The following ITPKB variants were observed in gnomAD, a reference collection of about 807,000 sequenced individuals.
ITPKB encodes IP3 3-kinase B.
ITPKB carries 13 observed loss-of-function variants against 69.4 expected under a neutral mutation model. The observed-to-expected ratio is 0.19, with a 90% confidence interval of 0.12 to 0.30. ITPKB has a LOEUF of 0.30. Among genes scored for constraint, ITPKB ranks in the 10% least tolerant of loss-of-function variants. The pLI, the probability that ITPKB is intolerant of heterozygous loss-of-function variation, is 1.00. For missense variants in ITPKB, 1,240 were observed against 1,250.5 expected (o/e 0.99, Z 0.13); for synonymous variants, 584 against 513.7 (o/e 1.14, Z -1.85).
At position 226,737,171 on chromosome 1, in the gene ITPKB, G is replaced by T. The variant is rs755020532; in HGVS notation, c.288C>A (p.Ser96Arg). ...GACCAGCCCAACTTGGGCTGCTCAC[G>T]CTACTGCCGCTGCTGCCGCTGCCAC... is the stretch of plus-strand genomic sequence containing the variant. The part of the protein sequence containing the change: ...SGSGSGSSGS[S>R]VSSPSWAGRL... Residue 96 changes from serine to arginine, a missense_variant, in exon 2 of 8, where the codon AGC (serine) becomes AGA (arginine). Physicochemically the swap from Ser to Arg is moderately radical, Grantham distance 110 (BLOSUM62 -1). Coordinates refer to ENST00000429204, the MANE Select transcript of ITPKB (RefSeq NM_002221.4). The T allele has an allele frequency of 1.3e-6, 2 of 1,579,240 alleles. No homozygotes were observed. Among genetic ancestry groups the T allele is most frequent in the South Asian group, 2.2e-5 (2 of 90,146 alleles).
At chr1:226,714,588 C>T (rs1229331384) in intron 2 of ITPKB, among the ~76,000 whole-genome samples, 1 of 152,236 alleles carries the variant, frequency 6.6e-6, no homozygotes. Context: ...CTTCCTCCTG[C>T]TGCCATGCTT....
chr1:226,687,152 T>C (rs1257371557), intron 2 of ITPKB, among the ~76,000 whole-genome samples: 2 of 152,228 alleles, frequency 1.3e-5, no homozygotes, highest in Non-Finnish European at 1.5e-5. Context: ...AATCTTTCTA[T>C]AGCGTCATTT....
At chr1:226,686,032 C>A (rs537768376) in intron 2 of ITPKB, among the ~76,000 whole-genome samples, 1 of 152,276 alleles carries the variant, frequency 6.6e-6, no homozygotes, top group South Asian at 2.1e-4. Flanking sequence ...CAGAAAGCAA[C>A]CCCAGGTTAA....
chr1:226,668,316 G>A (rs1669545800), intron 2 of ITPKB, among the ~76,000 whole-genome samples: 1 of 152,096 alleles, frequency 6.6e-6, no homozygotes. Flanking sequence ...CCTGACACCC[G>A]TGGACTCAGC....
At chr1:226,696,546 A>G (rs1656492298) in intron 2 of ITPKB, among the ~76,000 whole-genome samples, 1 of 152,206 alleles carries the variant, frequency 6.6e-6, no homozygotes, top group African/African-American at 2.4e-5. Context: ...TTCTGAGAAC[A>G]TAATTTCTAG....
intron 2 of ITPKB, among the ~76,000 whole-genome samples, chr1:226,689,565 TTATTTGTGTG>T (rs1316254187): frequency 7.6e-6 from 1 of 131,386 alleles, no homozygotes; most frequent in South Asian, 2.6e-4. Flanking sequence ...TCGGAAGGTT[TTATTTGTGTG>T]TGTGTGTGTG....
chr1:226,663,591 AG>A (rs780174263), intron 2 of ITPKB, among the ~76,000 whole-genome samples: 1 of 151,850 alleles, frequency 6.6e-6, no homozygotes, highest in Non-Finnish European at 1.5e-5. Context: ...GCTCACCTAC[AG>A]CCTTAACTTT....
At chr1:226,706,094 C>G (rs532741146) in intron 2 of ITPKB, among the ~76,000 whole-genome samples, 17 of 152,342 alleles carry the variant, frequency 1.1e-4, no homozygotes, top group Middle Eastern at 3.4e-3. Flanking sequence ...AGATGATCCC[C>G]CTCCTGTGAG....
At chr1:226,658,875 C>T (rs1416530186) in intron 2 of ITPKB, among the ~76,000 whole-genome samples, 1 of 152,118 alleles carries the variant, frequency 6.6e-6, no homozygotes, top group Admixed American at 6.5e-5. Flanking sequence ...CCCTGCAGAC[C>T]GGGACCCCCT....
intron 2 of ITPKB, chr1:226,707,995 A>G: frequency 1.2e-6 from 1 of 838,516 alleles, no homozygotes; most frequent in South Asian, 1.7e-5. Flanking sequence ...AAATATGGAA[A>G]CTACCCACCA....
intron 4 of ITPKB, among the ~76,000 whole-genome samples, chr1:226,645,306 CTG>C (rs1181794285): frequency 2.0e-5 from 3 of 152,330 alleles, no homozygotes; most frequent in Non-Finnish European, 4.4e-5. Context: ...TTCCCTCTGC[CTG>C]CCAAGATGGG....
intron 2 of ITPKB, among the ~76,000 whole-genome samples, chr1:226,696,424 GGCACGTAGATA>G (rs1656487702): frequency 1.3e-5 from 2 of 152,014 alleles, no homozygotes. Flanking sequence ...GTACATCCCT[GGCACGTAGATA>G]GCAACTTATT....
rs1657897668 is a variant in ITPKB at position 226,738,704 on chromosome 1, G to C, written c.-206+337C>G. 6.6e-6 allele frequency among the ~76,000 whole-genome samples: 1 copy of C among 152,178 alleles called. No homozygotes were observed. The highest frequency in any genetic ancestry group is 2.1e-4 in the South Asian group (1 of 4,836). ...TAACACCCCAGGGCAGCGCCGCGGA[G>C]CGCAGGGCTTCTCCGCATCCCGGGC... On this transcript the variant is annotated intron_variant, in intron 1 of 7. Transcript: ENST00000429204. The surrounding 1 kb of genome is among the most constrained non-coding windows in gnomAD (Gnocchi z 4.2).
intron 2 of ITPKB, among the ~76,000 whole-genome samples, chr1:226,661,689 G>A (rs1019226184): frequency 6.6e-6 from 1 of 152,200 alleles, no homozygotes; most frequent in African/African-American, 2.4e-5. Flanking sequence ...TAAATTCTCT[G>A]TGTGCAGTGC....
intron 2 of ITPKB, among the ~76,000 whole-genome samples, chr1:226,667,390 T>C (rs888458618): frequency 6.6e-5 from 10 of 152,206 alleles, no homozygotes; most frequent in African/African-American, 2.4e-4. Flanking sequence ...TCAGAATGCC[T>C]AGCCCTTACT....
intron 4 of ITPKB, among the ~76,000 whole-genome samples, chr1:226,644,887 G>C (rs1350157034): frequency 6.6e-6 from 1 of 152,220 alleles, no homozygotes; most frequent in East Asian, 1.9e-4. Flanking sequence ...AACGCATTTG[G>C]GGGAAGGCAC....
chr1:226,646,831 C>T (rs566365214), intron 4 of ITPKB, among the ~76,000 whole-genome samples: 2 of 152,294 alleles, frequency 1.3e-5, no homozygotes, highest in Admixed American at 6.5e-5. Context: ...TGGCTCCCCG[C>T]ACCCCCAGCG....
chr1:226,665,931 A>C (rs1285267179), intron 2 of ITPKB, among the ~76,000 whole-genome samples: 4 of 152,140 alleles, frequency 2.6e-5, no homozygotes, highest in African/African-American at 4.8e-5. Context: ...AACACTCAAA[A>C]TGCTAGGAGT....
At chr1:226,732,285 C>A (rs1657612324) in intron 2 of ITPKB, among the ~76,000 whole-genome samples, 1 of 152,166 alleles carries the variant, frequency 6.6e-6, no homozygotes, top group Non-Finnish European at 1.5e-5. Context: ...GTAGCCCAGG[C>A]TGCAGTGCAG....
Sources: gnomAD v4.1 joint callset for allele counts (sites outside exome capture counted in the v4.1 genomes callset) on GRCh38, gnomAD v4.1.1 for gene constraint, Gnocchi (gnomAD v3.1) non-coding constraint, MANE v1.5 for transcripts, NCBI Gene and HGNC (gene_info 2026-07-23, HGNC 2026-07-21) for gene names.